Variants in MSH4 observed in about 807,000 individuals in gnomAD.
MSH4 encodes mutS protein homolog 4.
In MSH4, 106 loss-of-function variants were observed where a neutral mutation model predicts 113.7. The observed-to-expected ratio is 0.93, with a 90% confidence interval of 0.80 to 1.10. The LOEUF is 1.10. Among genes scored for constraint, MSH4 ranks in the 50% least tolerant of loss-of-function variants. MSH4 has a pLI of 0.00. For missense variants in MSH4, 1,061 were observed against 1,093.7 expected, an observed-to-expected ratio of 0.97 and a Z score of 0.42; for synonymous variants, 368 against 380.2, an observed-to-expected ratio of 0.97 and a Z score of 0.37.
Position 75,815,155 on chromosome 1 carries a change from TA to T in MSH4, c.815+20del, listed in dbSNP as rs1650269897. On this transcript the variant is annotated intron_variant, in intron 5 of 19. Transcript: ENST00000263187. ...AGTCCAAGTAAGTTATATATTTATT[TA>T]TTTTTTTACTAGCCCACAGCTACCA... 1.5e-6 allele frequency: 2 copies of T among 1,354,044 alleles called. No homozygotes were observed. Among genetic ancestry groups the T allele is most frequent in the East Asian group, 5.1e-5 (2 of 39,230 alleles). 83.9% of individuals were successfully genotyped at this position (1,354,044 alleles called of 1,614,324 possible).
At chr1:75,833,361 C>A (rs1306132403) in intron 7 of MSH4, among the ~76,000 whole-genome samples, 1 of 152,146 alleles carries the variant, frequency 6.6e-6, no homozygotes, top group Non-Finnish European at 1.5e-5. Flanking sequence ...CCATACTGCC[C>A]AAGGTATTTT....
At chr1:75,890,566 G>C (rs1652229487) in intron 16 of MSH4, 130 bp from the exon 17 acceptor site, 1 of 485,924 alleles carries the variant, frequency 2.1e-6, no homozygotes, top group Non-Finnish European at 3.6e-6. Context: ...ATTATTTTCT[G>C]CTCAGCAGGA....
intron 7 of MSH4, among the ~76,000 whole-genome samples, chr1:75,846,531 A>G (rs1421911358): frequency 1.3e-5 from 2 of 152,270 alleles, no homozygotes; most frequent in South Asian, 2.1e-4. Flanking sequence ...ACATGGATAC[A>G]GTTCTGCCAA....
chr1:75,802,405 T>C (rs1649958145), intron 1 of MSH4, among the ~76,000 whole-genome samples: 2 of 152,144 alleles, frequency 1.3e-5, no homozygotes, highest in Non-Finnish European at 2.9e-5. Context: ...CAAAGGAAAC[T>C]AAAAGTGGTT....
At chr1:75,820,066 A>T (rs1650375602) in intron 6 of MSH4, among the ~76,000 whole-genome samples, 1 of 150,778 alleles carries the variant, frequency 6.6e-6, no homozygotes, top group African/African-American at 2.5e-5. Context: ...GGAATTATGA[A>T]ATTGTCTTGT....
Position 75,878,242 on chromosome 1 carries a change from T to G in MSH4, c.1464T>G (p.Tyr488Ter). 1 of 1,610,698 alleles carries G rather than the reference T, an allele frequency of 6.2e-7. No individual in the cohort carries two copies. The highest frequency in any genetic ancestry group is 8.5e-7 in the Non-Finnish European group (1 of 1,178,994). The change falls in exon 11 of 20, where the codon TAT becomes TAG. Residue 488 changes from tyrosine to a stop codon, truncating the protein, a stop_gained. Coordinates refer to ENST00000263187, the MANE Select transcript of MSH4 (RefSeq NM_002440.4). LOFTEE classifies it high-confidence loss of function. ...GCLNMRTQKC[Y>*]AVRSNINEFL... is the part of the protein sequence containing the mutation. ...TAAACATGAGGACTCAGAAGTGCTATGCAGTGAGGTCTAACATAAATGAAT... is the reference window on the plus strand; with the variant it reads ...TAAACATGAGGACTCAGAAGTGCTAGGCAGTGAGGTCTAACATAAATGAAT...
chr1:75,905,792 T>G (rs1185660249), intron 19 of MSH4, among the ~76,000 whole-genome samples: 1 of 152,162 alleles, frequency 6.6e-6, no homozygotes, highest in Non-Finnish European at 1.5e-5. Flanking sequence ...CCCTTTATTA[T>G]TATAGAATAA....
chr1:75,884,742 A>G (rs567300540), intron 15 of MSH4, among the ~76,000 whole-genome samples: 2 of 152,128 alleles, frequency 1.3e-5, no homozygotes, highest in African/African-American at 4.8e-5. Context: ...GAACAAAGCA[A>G]TAATAATATT....
chr1:75,897,456 T>A (rs1169078027), intron 17 of MSH4, among the ~76,000 whole-genome samples: 2 of 152,274 alleles, frequency 1.3e-5, no homozygotes, highest in East Asian at 3.9e-4. Flanking sequence ...AATCTCTTGA[T>A]TCCACTGCCA....
At chr1:75,910,840 A>G (rs1652772693) in intron 19 of MSH4, among the ~76,000 whole-genome samples, 2 of 152,108 alleles carry the variant, frequency 1.3e-5, no homozygotes, top group South Asian at 4.1e-4. Context: ...GTGACTCACC[A>G]AAGTCATATA....
rs1372050320 is a variant in MSH4 at position 75,876,928 on chromosome 1, T to C, written c.1306-8T>C. ...TATCCTTAACTTTTTTATTTTATTC[T>C]TTAATAGATTGCTATGAAGAACTGT... On this transcript the variant is annotated splice_polypyrimidine_tract_variant and splice_region_variant and intron_variant, in intron 9 of 19. Transcript: ENST00000263187. 6.8e-7 allele frequency: 1 copy of C among 1,480,084 alleles called. No homozygotes were observed. Among genetic ancestry groups the C allele is most frequent in the Non-Finnish European group, 9.1e-7 (1 of 1,097,402 alleles). The allele number at this position is 1,480,084 out of a possible 1,614,324, so 91.7% of individuals were successfully genotyped here. A position where few individuals can be genotyped will look rare whatever the true frequency, so the allele number is the denominator to read the frequency against.
chr1:75,848,185 C>T, intron 7 of MSH4, 24 bp from the exon 8 acceptor site: 1 of 1,506,746 alleles, frequency 6.6e-7, no homozygotes, highest in African/African-American at 1.4e-5. Context: ...AGTTTAAATA[C>T]TCACATTTGT....
chr1:75,877,919 T>C (rs1398485457), intron 10 of MSH4, among the ~76,000 whole-genome samples: 1 of 152,198 alleles, frequency 6.6e-6, no homozygotes, highest in Non-Finnish European at 1.5e-5. Context: ...GATGTAGAAT[T>C]GTTTTTGGGG....
intron 7 of MSH4, among the ~76,000 whole-genome samples, chr1:75,841,699 C>T (rs1216382155): frequency 6.6e-6 from 1 of 151,928 alleles, no homozygotes; most frequent in Non-Finnish European, 1.5e-5. Context: ...TGATCAAATC[C>T]TATTTTAGAA....
At chr1:75,883,065 C>T (rs1651970786) in intron 14 of MSH4, among the ~76,000 whole-genome samples, 1 of 151,546 alleles carries the variant, frequency 6.6e-6, no homozygotes, top group South Asian at 2.1e-4. Flanking sequence ...AGTGCAGTGG[C>T]ACAATCTCAG....
At chr1:75,839,450 A>G (rs1343553553) in intron 7 of MSH4, among the ~76,000 whole-genome samples, 1 of 152,080 alleles carries the variant, frequency 6.6e-6, no homozygotes, top group African/African-American at 2.4e-5. Context: ...CCTGACCTCA[A>G]GTGATCCACC....
intron 15 of MSH4, among the ~76,000 whole-genome samples, chr1:75,885,027 A>ATGTG (rs1204389052): frequency 3.3e-5 from 4 of 121,294 alleles, no homozygotes; most frequent in African/African-American, 1.4e-4. Context: ...GTATATATAT[A>ATGTG]TATGTGTGTG....
chr1:75,816,576 TATATC>T, intron 6 of MSH4, 30 bp downstream of exon 6: 4 of 1,246,954 alleles, frequency 3.2e-6, no homozygotes, highest in African/African-American at 1.5e-5. Context: ...TTGTATAAAA[TATATC>T]GGTATATATA....
intron 8 of MSH4, among the ~76,000 whole-genome samples, chr1:75,855,670 T>C (rs1455565883): frequency 6.6e-6 from 1 of 152,212 alleles, no homozygotes; most frequent in Non-Finnish European, 1.5e-5. Flanking sequence ...TTTCCATGTG[T>C]TCACATGGCT....
Sources: gnomAD v4.1 joint callset for allele counts (sites outside exome capture counted in the v4.1 genomes callset) on GRCh38, gnomAD v4.1.1 for gene constraint, MANE v1.5 for transcripts, NCBI Gene and HGNC (gene_info 2026-07-23, HGNC 2026-07-21) for gene names.